The following SART1 variants were observed in gnomAD, a reference collection of about 807,000 sequenced individuals.
SART1 encodes U4/U6.U5 tri-snRNP-associated protein 1.
A neutral mutation model predicts 105.0 loss-of-function variants in SART1; 28 were observed. The ratio of observed to expected loss-of-function variants is 0.27; its 90% CI spans 0.20 to 0.37. The LOEUF (loss-of-function observed/expected upper bound fraction) is 0.37, where lower values mean the gene tolerates loss of function less well. SART1 is among the 10% of genes least tolerant of loss of function. The pLI, the probability that SART1 is intolerant of heterozygous loss-of-function variation, is 1.00. For missense variants in SART1, 894 were observed against 1,106.5 expected, an observed-to-expected ratio of 0.81 and a Z score of 2.72; for synonymous variants, 472 against 462.9, an observed-to-expected ratio of 1.02 and a Z score of -0.25.
At chr11:65,966,022 C>T in intron 7 of SART1, 36 bp downstream of exon 7, 1 of 1,613,936 alleles carries the variant, frequency 6.2e-7, no homozygotes. Context: ...GGGGGCACAG[C>T]CTCTGCTGAG....
chr11:65,963,773 C>A (rs1037978560), intron 1 of SART1, among the ~76,000 whole-genome samples: 6 of 152,262 alleles, frequency 3.9e-5, no homozygotes, highest in Admixed American at 3.9e-4. Flanking sequence ...ACCCACCATA[C>A]CCGGCCCAGA....
At chr11:65,975,315 C>G (rs565783420) in intron 12 of SART1, among the ~76,000 whole-genome samples, 1 of 151,756 alleles carries the variant, frequency 6.6e-6, no homozygotes, top group South Asian at 2.1e-4. Context: ...ATTGTCCAGG[C>G]TGGTCTCGAA....
At position 65,978,968 on chromosome 11, in the gene SART1, C is replaced by G. The variant is rs1488678595; in HGVS notation, c.2385-44C>G. On this transcript the variant is annotated intron_variant, in intron 19 of 19. Coordinates refer to ENST00000312397, the MANE Select transcript of SART1 (RefSeq NM_005146.5). The surrounding 1 kb of genome is among the most constrained non-coding windows in gnomAD (Gnocchi z 6.8). ...GTGTGGTGGGGAGGGGTGGCGTGGCCTGTGCCCGCCTCTGCAGCCTCACGC... is the reference window on the plus strand; with the variant it reads ...GTGTGGTGGGGAGGGGTGGCGTGGCGTGTGCCCGCCTCTGCAGCCTCACGC... 7 of 1,613,278 alleles carry G rather than the reference C, an allele frequency of 4.3e-6. No individual in the cohort carries two copies. Among genetic ancestry groups the G allele is most frequent in the Non-Finnish European group, 5.9e-6 (7 of 1,179,822 alleles).
chr11:65,967,228 C>A (rs972974100), intron 9 of SART1, 31 bp from the exon 10 acceptor site: 5 of 1,608,646 alleles, frequency 3.1e-6, no homozygotes, highest in Non-Finnish European at 4.2e-6. Flanking sequence ...TCTGTGGCCC[C>A]CGCTCCATGT....
chr11:65,966,014 G>A, intron 7 of SART1, 28 bp downstream of exon 7: 1 of 1,613,968 alleles, frequency 6.2e-7, no homozygotes, highest in Non-Finnish European at 8.5e-7. Context: ...CCCTGGGTGG[G>A]GGCACAGCCT....
chr11:65,966,614 T>C, intron 9 of SART1, 58 bp downstream of exon 9: 1 of 1,425,936 alleles, frequency 7.0e-7, no homozygotes, highest in Non-Finnish European at 9.2e-7. Context: ...CTGGGGCTCC[T>C]GCCCTGCCCG....
intron 12 of SART1, 30 bp downstream of exon 12, chr11:65,967,851 G>T: frequency 6.8e-7 from 1 of 1,460,942 alleles, no homozygotes; most frequent in Non-Finnish European, 9.1e-7. Flanking sequence ...GGGTGACTGC[G>T]TCAGCAGTCA....
chr11:65,967,145 G>A (rs1855275918), intron 9 of SART1, 114 bp from the exon 10 acceptor site: 4 of 1,461,050 alleles, frequency 2.7e-6, no homozygotes, highest in South Asian at 1.3e-5. Context: ...TGTGGGAAGC[G>A]CTCAGGACGC....
At position 65,967,762 on chromosome 11, in the gene SART1, A is replaced by G. The variant is rs1855291272; in HGVS notation, c.1513A>G (p.Lys505Glu). The change falls in exon 12 of 20, where the codon AAG (lysine) becomes GAG (glutamate). Residue 505 changes from lysine (K) to glutamate (E), a missense_variant. By Grantham distance (56) the Lys-to-Glu change is moderately conservative. Coordinates refer to ENST00000312397, the MANE Select transcript of SART1 (RefSeq NM_005146.5). ...GCTGGAGCTGCAGAAGCAGCTGGAG[A>G]AGGGACGCCGGCTGCGACAGTTACA... Reference protein sequence around the residue: ...AELELQKQLEKGRRLRQLQQL... With the variant: ...AELELQKQLEEGRRLRQLQQL... The G allele has an allele frequency of 6.4e-7, 1 of 1,551,158 alleles. No homozygotes were observed. Among genetic ancestry groups the G allele is most frequent in the Admixed American group, 2.0e-5 (1 of 50,960 alleles).
At position 65,979,042 on chromosome 11, in the gene SART1, C is replaced by T. The variant is rs370672268; in HGVS notation, c.*12C>T. ...CCATCACCAAGTGACAGCGCCCTCC[C>T]GCCCCGGCCCTGCCTCAACCTTCAT... On this transcript the variant is annotated 3_prime_UTR_variant, in exon 20 of 20. Transcript: ENST00000312397. 38 of 1,613,984 alleles carry T rather than the reference C, an allele frequency of 2.4e-5. No homozygotes were observed. Among genetic ancestry groups the T allele is most frequent in the African/African-American group, 1.7e-4 (13 of 74,898 alleles).
chr11:65,972,926 C>CT (rs1590641167), intron 12 of SART1, among the ~76,000 whole-genome samples: 1 of 152,292 alleles, frequency 6.6e-6, no homozygotes, highest in East Asian at 1.9e-4. Flanking sequence ...AATCCCAGCA[C>CT]TTTGGGAGGC....
chr11:65,972,056 C>T (rs902229157), intron 12 of SART1, among the ~76,000 whole-genome samples: 10 of 152,146 alleles, frequency 6.6e-5, no homozygotes, highest in African/African-American at 1.9e-4. Flanking sequence ...GGGGTTAGGG[C>T]TTCCCGATAT....
At chr11:65,964,017 G>A (rs781576973) in intron 1 of SART1, 57 bp from the exon 2 acceptor site, 6 of 1,533,934 alleles carry the variant, frequency 3.9e-6, no homozygotes, top group African/African-American at 1.4e-5. Context: ...TGGAGCCAAC[G>A]ATGCTGGCTT....
chr11:65,967,556 C>T lies in SART1; in HGVS notation c.1399C>T (p.Arg467Ter), dbSNP rs747360501. 2 of 1,612,666 alleles carry T rather than the reference C, an allele frequency of 1.2e-6. No homozygotes were observed. The highest frequency in any genetic ancestry group is 1.7e-5 in the Admixed American group (1 of 60,010). ...TCAGCCCCTGCCGTCGGACGACACCCGAGTGGAGAACATGGACATCAGTGA... is the reference window on the plus strand; with the variant it reads ...TCAGCCCCTGCCGTCGGACGACACCTGAGTGGAGAACATGGACATCAGTGA... ...VPQPLPSDDT[R>*]VENMDISDEE... is the part of the protein sequence containing the mutation. The change falls in exon 11 of 20, where the codon CGA becomes TGA. Residue 467 changes from arginine (R) to a stop codon, truncating the protein, a stop_gained. Coordinates refer to ENST00000312397, the MANE Select transcript of SART1 (RefSeq NM_005146.5). LOFTEE classifies it high-confidence loss of function.
At chr11:65,962,207 G>A (rs1855160163) in intron 1 of SART1, 114 bp downstream of exon 1, 3 of 773,934 alleles carry the variant, frequency 3.9e-6, no homozygotes, top group South Asian at 4.2e-5. Context: ...CCCCCAAGCT[G>A]TTTACCAGCT....
chr11:65,965,319 G>A lies in SART1; in HGVS notation c.555-23G>A, dbSNP rs202057886. The A allele has an allele frequency of 8.3e-4, 1,317 of 1,595,642 alleles. 23 individuals carry two copies. The South Asian group carries it at 0.014, about 17-fold the overall frequency. ...GGGGAGCAGGAGCTGGGCTCCTTGA[G>A]CATCACTTTTTCCCCTCTTCAGGAA... On this transcript the variant is annotated intron_variant, in intron 4 of 19. Coordinates refer to ENST00000312397, the MANE Select transcript of SART1 (RefSeq NM_005146.5).
In SART1 at chr11:65,966,360, G is replaced by C. The variant is rs750998542; in HGVS notation, c.992G>C (p.Arg331Pro). Residue 331 changes from arginine to proline, a missense_variant, in exon 9 of 20, where the codon CGC becomes CCC. By Grantham distance (103) the Arg-to-Pro change is moderately radical. Transcript: ENST00000312397. ...CCTCTTGCCTTGCAGCAAAAACCTCGCTCTATCCTGTCCAAGTATGACGAA... is the reference window on the plus strand; with the variant it reads ...CCTCTTGCCTTGCAGCAAAAACCTCCCTCTATCCTGTCCAAGTATGACGAA... ...SVDDLAQQKP[R>P]SILSKYDEEL... The C allele has an allele frequency of 1.5e-5, 24 of 1,614,034 alleles. No homozygotes were observed. The highest frequency in any genetic ancestry group is 1.9e-5 in the Non-Finnish European group (23 of 1,180,038).
intron 12 of SART1, among the ~76,000 whole-genome samples, chr11:65,974,167 C>T (rs1270508700): frequency 2.1e-5 from 3 of 142,250 alleles, no homozygotes; most frequent in African/African-American, 7.9e-5. Context: ...TTGAGACCAT[C>T]CTGGCTAACA....
rs966361663 is a variant in SART1, at chr11:65,978,698, C to T, written c.2262+9C>T. ...AGCTGGACGAGGAGGCGGTGGGTGC[C>T]CTTGGGGATGTGGGGGGCCCTGTGC... is the stretch of plus-strand genomic sequence containing the variant. On this transcript the variant is annotated intron_variant, in intron 18 of 19. Coordinates refer to ENST00000312397, the MANE Select transcript of SART1 (RefSeq NM_005146.5). This position sits in a 1 kb window ranked among gnomAD's most constrained non-coding sequence, Gnocchi z 6.8. The T allele has an allele frequency of 6.2e-7, 1 of 1,612,830 alleles. No homozygotes were observed. The highest frequency in any genetic ancestry group is 8.5e-7 in the Non-Finnish European group (1 of 1,179,444).
Sources: allele counts gnomAD v4.1 joint callset (sites outside exome capture counted in the v4.1 genomes callset), GRCh38; gene constraint gnomAD v4.1.1; non-coding constraint Gnocchi (gnomAD v3.1); transcripts MANE v1.5; gene names NCBI Gene and HGNC (gene_info 2026-07-23, HGNC 2026-07-21).